The following CSMD1 variants were observed in gnomAD, a reference collection of about 807,000 sequenced individuals.
CSMD1 encodes the protein CUB and Sushi multiple domains 1, also known as CUB and sushi domain-containing protein 1.
Under a neutral mutation model 417.5 loss-of-function variants are expected in CSMD1, and 213 were observed. The ratio of observed to expected loss-of-function variants is 0.51; its 90% confidence interval spans 0.46 to 0.57. CSMD1 has a LOEUF of 0.57. Ranked by LOEUF, CSMD1 falls within the 20% of genes least tolerant of loss-of-function variation. The pLI is 0.00. For missense variants in CSMD1, 6,923 were observed against 4,529.7 expected (o/e 1.53, Z -15.17); for synonymous variants, 2,862 against 1,736.8 (o/e 1.65, Z -16.11).
chr8:3,783,386 T>A (rs568067266), intron 5 of CSMD1, among the ~76,000 whole-genome samples: 2 of 152,214 alleles, frequency 1.3e-5, no homozygotes, highest in East Asian at 3.9e-4. Flanking sequence ...CACATGCCCC[T>A]GGGGTGACCC....
chr8:3,307,392 C>T (rs937270361), intron 25 of CSMD1, among the ~76,000 whole-genome samples: 6 of 140,372 alleles, frequency 4.3e-5, no homozygotes, highest in Non-Finnish European at 7.7e-5. Context: ...TCAGAACAGC[C>T]CAGGCAACCC....
At chr8:3,893,348 T>TATATATATATATATATATATATAC (rs1380257146) in intron 5 of CSMD1, among the ~76,000 whole-genome samples, 3 of 130,448 alleles carry the variant, frequency 2.3e-5, no homozygotes, top group Non-Finnish European at 5.0e-5. Context: ...TTTATATATA[T>TATATATATATATATATATATATAC]ATATATATAT....
chr8:4,055,022 C>A (rs1239908911), intron 3 of CSMD1, among the ~76,000 whole-genome samples: 1 of 152,106 alleles, frequency 6.6e-6, no homozygotes, highest in Non-Finnish European at 1.5e-5. Context: ...GAAGAAGGCG[C>A]CTATTTCACA....
intron 2 of CSMD1, among the ~76,000 whole-genome samples, chr8:4,533,808 T>A (rs1796957566): frequency 6.6e-6 from 1 of 151,518 alleles, no homozygotes; most frequent in African/African-American, 2.4e-5. Context: ...CTTCTATATT[T>A]TATATTTATA....
intron 1 of CSMD1, among the ~76,000 whole-genome samples, chr8:4,920,402 G>T (rs1396082643): frequency 6.6e-6 from 1 of 152,220 alleles, no homozygotes; most frequent in East Asian, 1.9e-4. Context: ...ATAAATCTAG[G>T]GAATTCACTC....
intron 7 of CSMD1, among the ~76,000 whole-genome samples, chr8:3,700,803 A>G (rs1382047561): frequency 6.6e-6 from 1 of 152,096 alleles, no homozygotes; most frequent in African/African-American, 2.4e-5. Flanking sequence ...GTGGGAGCAA[A>G]GGAGTTCTTT....
intron 1 of CSMD1, among the ~76,000 whole-genome samples, chr8:4,837,038 T>C (rs1189784254): frequency 2.7e-5 from 4 of 148,732 alleles, no homozygotes; most frequent in African/African-American, 1.0e-4. Context: ...GTTGTTGTTG[T>C]TAAGAGACCA....
chr8:3,110,142 T>C lies in CSMD1; in HGVS notation c.6608+16A>G, dbSNP rs368332151. ...GATCACAATTACAGATATTTTGACT[T>C]GAGAGGTTCTCATACCAAACAGCAA... On this transcript the variant is annotated intron_variant, in intron 43 of 69. Transcript: ENST00000635120. 131 of 1,583,300 alleles carry C rather than the reference T, an allele frequency of 8.3e-5. No individual in the cohort carries two copies. The African/African-American group carries it at 1.7e-3, about 20-fold the overall frequency.
At chr8:4,130,161 C>A (rs1044232266) in intron 3 of CSMD1, among the ~76,000 whole-genome samples, 1 of 152,054 alleles carries the variant, frequency 6.6e-6, no homozygotes, top group Non-Finnish European at 1.5e-5. Flanking sequence ...TGAAAAAGAC[C>A]CAACATCTTT....
At chr8:4,605,594 A>G (rs937371597) in intron 2 of CSMD1, among the ~76,000 whole-genome samples, 7 of 152,240 alleles carry the variant, frequency 4.6e-5, no homozygotes, top group African/African-American at 1.4e-4. Context: ...AAAATCATGA[A>G]TAGTCAATAA....
At chr8:3,854,825 A>G (rs968965525) in intron 5 of CSMD1, among the ~76,000 whole-genome samples, 3 of 152,212 alleles carry the variant, frequency 2.0e-5, no homozygotes, top group East Asian at 1.9e-4. Context: ...ATTACTAAAC[A>G]TAACAAAAAC....
At chr8:3,994,924 T>A (rs187422419) in intron 5 of CSMD1, among the ~76,000 whole-genome samples, 1 of 152,310 alleles carries the variant, frequency 6.6e-6, no homozygotes, top group East Asian at 1.9e-4. Flanking sequence ...GAAGATCATA[T>A]GTGTATCTGC....
rs1053772916 is a variant in CSMD1 at position 3,802,606 on chromosome 8, C to A, written c.819-48564G>T. ...CTTATTGCAGGATGTAATTCACCAA[C>A]TGTTTATATAATTTTAAGCCTTTAG... On this transcript the variant is annotated intron_variant, in intron 5 of 69. Transcript: ENST00000635120. 1.3e-4 allele frequency among the ~76,000 whole-genome samples: 20 copies of A among 152,222 alleles called. 1 individual carries two copies. Among genetic ancestry groups the A allele is most frequent in the Middle Eastern group, 6.8e-3 (2 of 294 alleles).
At chr8:3,347,205 A>G (rs1808070021) in intron 22 of CSMD1, among the ~76,000 whole-genome samples, 1 of 152,240 alleles carries the variant, frequency 6.6e-6, no homozygotes, top group Non-Finnish European at 1.5e-5. Flanking sequence ...GTATTATAGC[A>G]TTAGCTCTTG....
chr8:3,855,528 T>A (rs1183873819), intron 5 of CSMD1, among the ~76,000 whole-genome samples: 1 of 152,214 alleles, frequency 6.6e-6, no homozygotes, highest in Non-Finnish European at 1.5e-5. Context: ...AATCGCCATG[T>A]TGCCACTGTA....
chr8:4,372,227 G>C (rs1475809777), intron 3 of CSMD1, among the ~76,000 whole-genome samples: 1 of 152,152 alleles, frequency 6.6e-6, no homozygotes, highest in Non-Finnish European at 1.5e-5. Context: ...GCAGGAAAAA[G>C]TAAAACTTTA....
intron 11 of CSMD1, among the ~76,000 whole-genome samples, chr8:3,479,366 C>T (rs540157757): frequency 8.1e-4 from 123 of 152,248 alleles, no homozygotes; most frequent in Non-Finnish European, 1.4e-3. Context: ...CCGCAACCTC[C>T]GCCTCCTGGG....
intron 5 of CSMD1, among the ~76,000 whole-genome samples, chr8:3,822,340 C>G (rs1320211094): frequency 1.3e-5 from 2 of 152,102 alleles, no homozygotes; most frequent in African/African-American, 4.8e-5. Context: ...ATCTTGACAT[C>G]AAGTACTTTA....
At chr8:4,402,044 C>A (rs932186722) in intron 3 of CSMD1, among the ~76,000 whole-genome samples, 3 of 152,126 alleles carry the variant, frequency 2.0e-5, no homozygotes, top group Non-Finnish European at 4.4e-5. Context: ...CTTCACTATC[C>A]TGCTAAATGG....
Sources: gnomAD v4.1 joint callset for allele counts (sites outside exome capture counted in the v4.1 genomes callset) on GRCh38, gnomAD v4.1.1 for gene constraint, MANE v1.5 for transcripts, NCBI Gene and HGNC (gene_info 2026-07-23, HGNC 2026-07-21) for gene names.